Variants in DISC1 observed in about 807,000 individuals in gnomAD.
DISC1 encodes DISC1 scaffold protein, also known as disrupted in schizophrenia 1 protein.
A neutral mutation model predicts 84.5 loss-of-function variants in DISC1; 57 were observed. That is an observed-to-expected ratio of 0.67 (90% CI 0.55 to 0.84). The LOEUF is 0.84. Ranked by LOEUF, DISC1 falls within the 40% of genes least tolerant of loss-of-function variation. The pLI, the probability that DISC1 is intolerant of heterozygous loss-of-function variation, is 0.00. For synonymous variants in DISC1, 411 were observed against 415.2 expected (o/e 0.99, Z 0.12); for missense variants, 1,000 against 1,057.8 (o/e 0.95, Z 0.76).
intron 3 of DISC1, among the ~76,000 whole-genome samples, chr1:231,721,685 G>C (rs1289512225): frequency 6.6e-6 from 1 of 152,074 alleles, no homozygotes; most frequent in Non-Finnish European, 1.5e-5. Flanking sequence ...GTGTTCTGAG[G>C]AGCCTCAGAG....
In DISC1 at chr1:232,008,868, A is replaced by G; in HGVS notation, c.2126A>G (p.Glu709Gly). 6.2e-7 allele frequency: 1 copy of G among 1,613,522 alleles called. No homozygotes were observed. The highest frequency in any genetic ancestry group is 8.5e-7 in the Non-Finnish European group (1 of 1,179,678). Residue 709 changes from glutamate to glycine, a missense_variant, in exon 11 of 13, where the codon GAA becomes GGA. By Grantham distance (98) the Glu-to-Gly change is moderately conservative. This residue lies in a region of DISC1 where 397 missense variants were observed against 377.5 expected (regional missense o/e 1.05). Coordinates refer to ENST00000439617, the MANE Select transcript of DISC1 (RefSeq NM_018662.3). ...RLLIQSLQLQ[E>G]ARGSLSVEDE... ...CTTATCCAGAGCCTACAGCTCCAGG[A>G]AGCCAGGGGAAGCCTGTCTGTAGAA...
intron 8 of DISC1, among the ~76,000 whole-genome samples, chr1:231,814,381 T>C (rs1229917609): frequency 6.6e-6 from 1 of 152,226 alleles, no homozygotes; most frequent in Non-Finnish European, 1.5e-5. Context: ...TTGCTGTCAA[T>C]TAAGCAGTAA....
At chr1:231,832,798 G>A (rs557066840) in intron 9 of DISC1, among the ~76,000 whole-genome samples, 17 of 148,982 alleles carry the variant, frequency 1.1e-4, no homozygotes, top group Non-Finnish European at 2.1e-4. Flanking sequence ...TTGATAAGGC[G>A]CAGATCCTGA....
chr1:231,642,334 C>T (rs1013356949), intron 1 of DISC1, among the ~76,000 whole-genome samples: 2 of 152,240 alleles, frequency 1.3e-5, no homozygotes, highest in African/African-American at 2.4e-5. Context: ...CGGCCTTGGC[C>T]AACCCAGAAA....
intron 8 of DISC1, among the ~76,000 whole-genome samples, chr1:231,804,043 C>T (rs913722508): frequency 2.7e-5 from 4 of 149,272 alleles, no homozygotes; most frequent in Non-Finnish European, 3.0e-5. Flanking sequence ...TGACTAGAAG[C>T]AAGTCACTAA....
chr1:231,726,999 T>A (rs2070808443), intron 3 of DISC1, among the ~76,000 whole-genome samples: 1 of 152,160 alleles, frequency 6.6e-6, no homozygotes, highest in South Asian at 2.1e-4. Context: ...CAACCTTGGA[T>A]TAAGGCTGGC....
intron 6 of DISC1, among the ~76,000 whole-genome samples, chr1:231,777,898 C>T (rs1267896716): frequency 2.6e-5 from 4 of 152,152 alleles, no homozygotes; most frequent in South Asian, 2.1e-4. Flanking sequence ...TTCACACAGC[C>T]GTAAAAGCAG....
intron 9 of DISC1, among the ~76,000 whole-genome samples, chr1:231,930,014 G>A (rs899020325): frequency 1.3e-5 from 2 of 152,124 alleles, no homozygotes; most frequent in African/African-American, 2.4e-5. Context: ...TGTTAGCCCT[G>A]GACATCAAGC....
At chr1:231,946,475 G>A (rs1657233161) in intron 9 of DISC1, among the ~76,000 whole-genome samples, 1 of 152,084 alleles carries the variant, frequency 6.6e-6, no homozygotes, top group Admixed American at 6.5e-5. Flanking sequence ...AATAATAAGA[G>A]CTTTTTATGA....
intron 9 of DISC1, among the ~76,000 whole-genome samples, chr1:231,932,924 GA>G (rs2126110611): frequency 6.6e-6 from 1 of 152,210 alleles, no homozygotes; most frequent in East Asian, 1.9e-4. Flanking sequence ...AATTAGTTGT[GA>G]AGTTACTTTC....
intron 4 of DISC1, among the ~76,000 whole-genome samples, chr1:231,759,738 C>A (rs1237917694): frequency 6.6e-6 from 1 of 151,918 alleles, no homozygotes; most frequent in Non-Finnish European, 1.5e-5. Flanking sequence ...ACCAACAAAC[C>A]AGGATATATT....
At chr1:231,872,014 G>A (rs9431706) in intron 9 of DISC1, among the ~76,000 whole-genome samples, 75,972 of 152,004 alleles carry the variant, frequency 0.5, 19,142 homozygotes, top group African/African-American at 0.53. Context: ...TTCTCTTGGG[G>A]ACTCTGCCAG....
At position 232,031,619 on chromosome 1, in the gene DISC1, C is replaced by T. The variant is rs1342373631; in HGVS notation, c.2425+5067C>T. Among the ~76,000 whole-genome samples, 2 of 152,124 alleles carry T rather than the reference C, an allele frequency of 1.3e-5. No individual in the cohort carries two copies. The highest frequency in any genetic ancestry group is 2.9e-5 in the Non-Finnish European group (2 of 68,028). ...CAGATATAGTAGTCACAGTTCTTTC[C>T]TTAGGCTCTCACTTGGCTTTGGAGT... On this transcript the variant is annotated intron_variant, in intron 12 of 12. Transcript: ENST00000439617. The surrounding 1 kb of genome is among the most constrained non-coding windows in gnomAD (Gnocchi z 4.6).
At chr1:231,965,197 G>T (rs1215415909) in intron 10 of DISC1, among the ~76,000 whole-genome samples, 2 of 152,210 alleles carry the variant, frequency 1.3e-5, no homozygotes, top group Non-Finnish European at 2.9e-5. Context: ...GCAAAAAGTG[G>T]ACAAATATTA....
chr1:231,893,063 T>A (rs1289856492), intron 9 of DISC1, among the ~76,000 whole-genome samples: 1 of 152,142 alleles, frequency 6.6e-6, no homozygotes, highest in Non-Finnish European at 1.5e-5. Context: ...CTCAGGAGGT[T>A]GAGGTAGGAG....
At chr1:231,903,950 C>G (rs983751074) in intron 9 of DISC1, among the ~76,000 whole-genome samples, 8 of 152,162 alleles carry the variant, frequency 5.3e-5, no homozygotes, top group African/African-American at 1.7e-4. Context: ...AGGCTGGGCA[C>G]AGAAGAAACT....
chr1:231,818,174 C>A (rs1294083787), intron 8 of DISC1, among the ~76,000 whole-genome samples, 155 bp from the exon 9 acceptor site: 1 of 152,190 alleles, frequency 6.6e-6, no homozygotes, highest in Non-Finnish European at 1.5e-5. Context: ...TTTCCAGGTT[C>A]TTTCCCCAGA....
At chr1:231,719,663 C>T (rs931332066) in intron 3 of DISC1, among the ~76,000 whole-genome samples, 2 of 152,186 alleles carry the variant, frequency 1.3e-5, no homozygotes, top group African/African-American at 4.8e-5. Context: ...ATTATACTCA[C>T]TGGTAAAATA....
chr1:231,849,887 T>C (rs6677522), intron 9 of DISC1, among the ~76,000 whole-genome samples: 136,786 of 152,192 alleles, frequency 0.9, 61,554 homozygotes, highest in East Asian at 0.99. Flanking sequence ...GTCTTATTTT[T>C]CATTTTGTTC....
Sources: allele counts gnomAD v4.1 joint callset (sites outside exome capture counted in the v4.1 genomes callset), GRCh38; gene constraint gnomAD v4.1.1; regional missense constraint gnomAD v4.1.1; non-coding constraint Gnocchi (gnomAD v3.1); transcripts MANE v1.5; gene names NCBI Gene and HGNC (gene_info 2026-07-23, HGNC 2026-07-21).